BMP6: variants seen among roughly 807,000 people sequenced by gnomAD.
The protein encoded by BMP6 is bone morphogenetic protein 6.
BMP6 carries 17 observed loss-of-function variants against 54.1 expected under a neutral mutation model. The ratio of observed to expected loss-of-function variants is 0.31; its 90% CI spans 0.22 to 0.47. The LOEUF (loss-of-function observed/expected upper bound fraction) is 0.47. Among genes scored for constraint, BMP6 ranks in the 20% least tolerant of loss-of-function variants. BMP6 has a pLI of 1.00. For missense variants in BMP6, 720 were observed against 690.4 expected, an observed-to-expected ratio of 1.04 and a Z score of -0.48; for synonymous variants, 328 against 291.2, an observed-to-expected ratio of 1.13 and a Z score of -1.28.
chr6:7,850,067 A>C (rs1009404147), intron 2 of BMP6, among the ~76,000 whole-genome samples: 5 of 152,232 alleles, frequency 3.3e-5, no homozygotes, highest in Non-Finnish European at 7.3e-5. Context: ...CAGAATCCTT[A>C]GGCTTTGAAG....
chr6:7,778,046 A>G (rs1254549708), intron 1 of BMP6, among the ~76,000 whole-genome samples: 1 of 152,216 alleles, frequency 6.6e-6, no homozygotes, highest in Non-Finnish European at 1.5e-5. Context: ...CCCAGGCAGA[A>G]GTGCATCTCC....
At chr6:7,873,555 C>T (rs973223010) in intron 4 of BMP6, among the ~76,000 whole-genome samples, 2 of 152,144 alleles carry the variant, frequency 1.3e-5, no homozygotes, top group African/African-American at 2.4e-5. Context: ...TCATTGGTCA[C>T]ATGATTGAAC....
intron 1 of BMP6, among the ~76,000 whole-genome samples, chr6:7,800,964 G>A (rs1758261457): frequency 6.6e-6 from 1 of 151,694 alleles, no homozygotes. Context: ...GTTGGTCAGT[G>A]CCACCATGTG....
At chr6:7,822,897 T>TGTGTG (rs915176611) in intron 1 of BMP6, among the ~76,000 whole-genome samples, 101 of 121,354 alleles carry the variant, frequency 8.3e-4, no homozygotes, top group African/African-American at 2.8e-3. Flanking sequence ...TTGGTGCTGG[T>TGTGTG]TGTGTGTGTG....
intron 2 of BMP6, among the ~76,000 whole-genome samples, chr6:7,848,331 A>G (rs770339424): frequency 6.6e-6 from 1 of 152,220 alleles, no homozygotes; most frequent in African/African-American, 2.4e-5. Flanking sequence ...ACACCTATAG[A>G]TAACATCACT....
chr6:7,837,294 T>C (rs1171266618), intron 1 of BMP6, among the ~76,000 whole-genome samples: 1 of 152,140 alleles, frequency 6.6e-6, no homozygotes, highest in Non-Finnish European at 1.5e-5. Flanking sequence ...CAGACTTAGA[T>C]ACCATTCAGA....
At chr6:7,875,968 C>T (rs1022676298) in intron 4 of BMP6, among the ~76,000 whole-genome samples, 2 of 152,174 alleles carry the variant, frequency 1.3e-5, no homozygotes, top group Non-Finnish European at 2.9e-5. Context: ...TCAGGTTATA[C>T]ACTGCAGGGT....
chr6:7,805,507 G>A (rs1489883206), intron 1 of BMP6, among the ~76,000 whole-genome samples: 12 of 152,304 alleles, frequency 7.9e-5, no homozygotes, highest in Admixed American at 7.8e-4. Flanking sequence ...AAGCAAGCCT[G>A]TCCTGCTGTC....
intron 1 of BMP6, among the ~76,000 whole-genome samples, chr6:7,799,123 T>A (rs146787734): frequency 7.2e-5 from 11 of 152,352 alleles, no homozygotes; most frequent in African/African-American, 2.6e-4. Flanking sequence ...TCCAAGGTTT[T>A]GGATGGCAAA....
chr6:7,745,283 C>G (rs1161676252), intron 1 of BMP6, among the ~76,000 whole-genome samples: 1 of 152,150 alleles, frequency 6.6e-6, no homozygotes, highest in Non-Finnish European at 1.5e-5. Context: ...GACTACTTGA[C>G]ACACCCTGAA....
chr6:7,757,924 TTCA>T (rs1426040948), intron 1 of BMP6, among the ~76,000 whole-genome samples: 1 of 152,216 alleles, frequency 6.6e-6, no homozygotes, highest in Non-Finnish European at 1.5e-5. Flanking sequence ...GTCATAACTG[TTCA>T]TCATCACTCT....
rs527859768 is a variant in BMP6 at position 7,765,049 on chromosome 6, T to C, written c.664+37430T>C. Among the ~76,000 whole-genome samples, 13 of 152,382 alleles carry C rather than the reference T, an allele frequency of 8.5e-5. No individual in the cohort carries two copies. The East Asian group carries it at 1.5e-3, about 18-fold the overall frequency. On this transcript the variant is annotated intron_variant, in intron 1 of 6. Coordinates refer to ENST00000283147, the MANE Select transcript of BMP6 (RefSeq NM_001718.6). ...GGAGACTGGTCGAAAGTTTGAACTT[T>C]GGCTTTTTGCAGTTGTATTCCTCCC...
intron 1 of BMP6, among the ~76,000 whole-genome samples, chr6:7,735,014 C>T (rs559654728): frequency 2.6e-5 from 4 of 152,182 alleles, no homozygotes; most frequent in East Asian, 1.9e-4. Context: ...CACACAGTGC[C>T]GATTATATGT....
chr6:7,817,854 C>T (rs953929201), intron 1 of BMP6, among the ~76,000 whole-genome samples: 2 of 152,108 alleles, frequency 1.3e-5, no homozygotes, highest in East Asian at 1.9e-4. Flanking sequence ...TGTAGTGTTG[C>T]GAAGGGCTTT....
intron 1 of BMP6, among the ~76,000 whole-genome samples, chr6:7,809,298 C>G (rs774763373): frequency 6.6e-6 from 1 of 151,994 alleles, no homozygotes. Flanking sequence ...TCCTTGGATC[C>G]GTGGCCAGGA....
At chr6:7,804,766 T>C (rs1272845718) in intron 1 of BMP6, among the ~76,000 whole-genome samples, 2 of 152,226 alleles carry the variant, frequency 1.3e-5, no homozygotes, top group African/African-American at 4.8e-5. Flanking sequence ...TGTTAGTAGA[T>C]TATTTCTACA....
At chr6:7,801,921 A>G (rs1210365233) in intron 1 of BMP6, among the ~76,000 whole-genome samples, 1 of 152,216 alleles carries the variant, frequency 6.6e-6, no homozygotes, top group East Asian at 1.9e-4. Flanking sequence ...GAATCCGGTC[A>G]GCTTGCTCTA....
chr6:7,783,146 C>T (rs1291996262), intron 1 of BMP6, among the ~76,000 whole-genome samples: 18 of 152,034 alleles, frequency 1.2e-4, no homozygotes. Context: ...GGATGCACAG[C>T]AAAGAAGCGT....
chr6:7,861,606 T>G lies in BMP6; in HGVS notation c.1006+7T>G. The G allele has an allele frequency of 6.2e-7, 1 of 1,613,826 alleles. No individual in the cohort carries two copies. The highest frequency in any genetic ancestry group is 8.5e-7 in the Non-Finnish European group (1 of 1,179,832). On this transcript the variant is annotated splice_region_variant and intron_variant, in intron 3 of 6. Coordinates refer to ENST00000283147, the MANE Select transcript of BMP6 (RefSeq NM_001718.6). ...AGCGTGGTGACAAGGGATGGTAAGT[T>G]ATTATCCGCAAGCCTCCAACGTCCA... is the stretch of plus-strand genomic sequence containing the variant.
Sources: allele counts gnomAD v4.1 joint callset (sites outside exome capture counted in the v4.1 genomes callset), GRCh38; gene constraint gnomAD v4.1.1; transcripts MANE v1.5; gene names NCBI Gene and HGNC (gene_info 2026-07-23, HGNC 2026-07-21).